LINGO2: variants seen among roughly 807,000 people sequenced by gnomAD.
LINGO2 encodes leucine-rich repeat and immunoglobulin-like domain-containing nogo receptor-interacting protein 2.
Under a neutral mutation model 30.6 loss-of-function variants are expected in LINGO2, and 14 were observed. That is an observed-to-expected ratio of 0.46 (90% CI 0.30 to 0.72). The LOEUF (loss-of-function observed/expected upper bound fraction) is 0.72, where lower values mean the gene tolerates loss of function less well. Among genes scored for constraint, LINGO2 ranks in the 30% least tolerant of loss-of-function variants. The pLI is 0.07. For synonymous variants in LINGO2, 317 were observed against 288.5 expected (o/e 1.10, Z -1.00); for missense variants, 729 against 751.7 (o/e 0.97, Z 0.35).
At chr9:28,169,279 T>C (rs1439167334) in intron 4 of LINGO2, among the ~76,000 whole-genome samples, 1 of 152,172 alleles carries the variant, frequency 6.6e-6, no homozygotes, top group Non-Finnish European at 1.5e-5. Context: ...TGACTTTGTT[T>C]TTTGCTAAAA....
chr9:27,939,998 G>C, the LINGO2 span: 7 of 152,156 alleles, frequency 4.6e-5, no homozygotes, highest in African/African-American at 1.7e-4. Flanking sequence ...CTAGCAGTCT[G>C]TTCTTTTTGT....
At chr9:28,400,552 C>T (rs971877316) in intron 2 of LINGO2, among the ~76,000 whole-genome samples, 21 of 152,258 alleles carry the variant, frequency 1.4e-4, no homozygotes, top group African/African-American at 4.8e-4. Context: ...TTAAGAATAA[C>T]ATGACTAAGG....
the LINGO2 span, among the ~76,000 whole-genome samples, chr9:29,006,613 T>C: frequency 6.6e-6 from 1 of 152,104 alleles, no homozygotes; most frequent in Non-Finnish European, 1.5e-5. Context: ...CACTTTACTT[T>C]TGCTTCATTT....
At chr9:29,069,749 G>A in the LINGO2 span, among the ~76,000 whole-genome samples, 3 of 151,994 alleles carry the variant, frequency 2.0e-5, no homozygotes, top group Admixed American at 6.6e-5. Context: ...ACACAGCAAA[G>A]GATTTTACAT....
the LINGO2 span, among the ~76,000 whole-genome samples, chr9:28,983,445 A>G: frequency 2.0e-5 from 3 of 151,928 alleles, no homozygotes; most frequent in African/African-American, 7.2e-5. Context: ...AGTGAGTAGC[A>G]AATAAGAAGA....
intron 5 of LINGO2, among the ~76,000 whole-genome samples, chr9:28,011,358 C>CTG (rs1005502911): frequency 6.6e-6 from 1 of 152,150 alleles, no homozygotes; most frequent in Non-Finnish European, 1.5e-5. Flanking sequence ...GAATCAAATA[C>CTG]TGTGTACATC....
intron 2 of LINGO2, among the ~76,000 whole-genome samples, chr9:28,399,805 G>A (rs1822187639): frequency 6.6e-6 from 1 of 152,110 alleles, no homozygotes; most frequent in African/African-American, 2.4e-5. Flanking sequence ...GATGTTTAAT[G>A]TTCATTCTAT....
At chr9:28,445,291 G>C (rs1282084273) in intron 2 of LINGO2, among the ~76,000 whole-genome samples, 3 of 152,098 alleles carry the variant, frequency 2.0e-5, no homozygotes, top group Non-Finnish European at 2.9e-5. Flanking sequence ...CTTGATAGTT[G>C]CCATGTTCCT....
At chr9:28,732,793 C>G in the LINGO2 span, among the ~76,000 whole-genome samples, 1 of 152,146 alleles carries the variant, frequency 6.6e-6, no homozygotes, top group African/African-American at 2.4e-5. Flanking sequence ...TATCAATTAG[C>G]CATTAATCTT....
chr9:28,289,888 C>G (rs1200339711), intron 4 of LINGO2, among the ~76,000 whole-genome samples: 2 of 152,152 alleles, frequency 1.3e-5, no homozygotes, highest in Non-Finnish European at 2.9e-5. Context: ...CATTGTAATT[C>G]AGGAATGCCA....
chr9:28,040,618 A>G (rs142810580), intron 4 of LINGO2, among the ~76,000 whole-genome samples: 92 of 152,216 alleles, frequency 6.0e-4, no homozygotes, highest in African/African-American at 2.1e-3. Flanking sequence ...AACTTCAAAT[A>G]CTGCTGCTGT....
At chr9:28,208,722 T>C (rs992745421) in intron 4 of LINGO2, among the ~76,000 whole-genome samples, 1 of 152,000 alleles carries the variant, frequency 6.6e-6, no homozygotes, top group African/African-American at 2.4e-5. Flanking sequence ...AACAATACTC[T>C]AGTTTTCAGT....
At chr9:28,849,706 T>C in the LINGO2 span, among the ~76,000 whole-genome samples, 80 of 152,070 alleles carry the variant, frequency 5.3e-4, no homozygotes, top group African/African-American at 1.9e-3. Context: ...TTCCTTCCTC[T>C]TCATCCCAAG....
the LINGO2 span, among the ~76,000 whole-genome samples, chr9:29,057,594 G>C: frequency 6.6e-6 from 1 of 152,242 alleles, no homozygotes; most frequent in Middle Eastern, 3.4e-3. Flanking sequence ...GACTGAGTTT[G>C]GGGCTACTAA....
chr9:28,869,951 T>C, the LINGO2 span, among the ~76,000 whole-genome samples: 9 of 151,850 alleles, frequency 5.9e-5, no homozygotes, highest in Non-Finnish European at 1.2e-4. Context: ...CATCAGTCAA[T>C]GTTCAAAGCC....
At chr9:28,152,056 T>C (rs1377236059) in intron 4 of LINGO2, among the ~76,000 whole-genome samples, 2 of 152,178 alleles carry the variant, frequency 1.3e-5, no homozygotes, top group Non-Finnish European at 1.5e-5. Context: ...TAATAAAGTA[T>C]AGAACTGGCA....
chr9:29,003,726 C>T, the LINGO2 span, among the ~76,000 whole-genome samples: 1 of 151,934 alleles, frequency 6.6e-6, no homozygotes, highest in African/African-American at 2.4e-5. Flanking sequence ...CAGCAGGCTC[C>T]AGAGAATCGC....
chr9:28,952,684 C>T, the LINGO2 span, among the ~76,000 whole-genome samples: 2 of 152,136 alleles, frequency 1.3e-5, no homozygotes, highest in Non-Finnish European at 2.9e-5. Flanking sequence ...GTAGCACCAA[C>T]TGTCAGACAG....
chr9:28,185,929 T>C (rs1391169199), intron 4 of LINGO2, among the ~76,000 whole-genome samples: 1 of 152,128 alleles, frequency 6.6e-6, no homozygotes, highest in Non-Finnish European at 1.5e-5. Flanking sequence ...GCTTCTGCTT[T>C]TAGGAAGCAT....
Sources: allele counts gnomAD v4.1 joint callset (sites outside exome capture counted in the v4.1 genomes callset), GRCh38; gene constraint gnomAD v4.1.1; transcripts MANE v1.5; gene names NCBI Gene and HGNC (gene_info 2026-07-23, HGNC 2026-07-21).